The following ARHGAP15 variants were observed in gnomAD, a reference collection of about 807,000 sequenced individuals.
ARHGAP15 encodes the protein Rho GTPase activating protein 15.
Under a neutral mutation model 63.7 loss-of-function variants are expected in ARHGAP15, and 51 were observed. The observed-to-expected ratio is 0.80, with a 90% CI of 0.64 to 1.01. The LOEUF (loss-of-function observed/expected upper bound fraction) is 1.01. Ranked by LOEUF, ARHGAP15 falls within the 50% of genes least tolerant of loss-of-function variation. The pLI is 0.00. For missense variants in ARHGAP15, 560 were observed against 564.6 expected (o/e 0.99, Z 0.08); for synonymous variants, 191 against 193.8 (o/e 0.99, Z 0.12).
intron 3 of ARHGAP15, among the ~76,000 whole-genome samples, chr2:143,206,971 T>G (rs1869011): frequency 0.17 from 25,752 of 151,540 alleles, 2,369 homozygotes; most frequent in Middle Eastern, 0.24. Context: ...GCACATATAT[T>G]TTAACAGTGC....
chr2:143,725,365 A>G (rs547178241), intron 13 of ARHGAP15, among the ~76,000 whole-genome samples: 1 of 152,352 alleles, frequency 6.6e-6, no homozygotes, highest in African/African-American at 2.4e-5. Flanking sequence ...GAATTTGCCA[A>G]GACAAATTTG....
intron 11 of ARHGAP15, among the ~76,000 whole-genome samples, chr2:143,601,210 T>C (rs1324735685): frequency 6.6e-6 from 1 of 152,178 alleles, no homozygotes; most frequent in East Asian, 1.9e-4. Context: ...TACTTTTTTT[T>C]ACAATGTGGT....
At chr2:143,250,224 C>A (rs1365939439) in intron 5 of ARHGAP15, among the ~76,000 whole-genome samples, 1 of 151,872 alleles carries the variant, frequency 6.6e-6, no homozygotes, top group African/African-American at 2.4e-5. Context: ...TTTCATTATT[C>A]TTAAATTACT....
chr2:143,373,553 T>A (rs1574351314), intron 6 of ARHGAP15, among the ~76,000 whole-genome samples: 1 of 133,048 alleles, frequency 7.5e-6, no homozygotes, highest in South Asian at 2.4e-4. Context: ...TGGCATGAGC[T>A]GGGGAGGCGG....
chr2:143,612,307 G>A (rs772158522), intron 11 of ARHGAP15, among the ~76,000 whole-genome samples: 9 of 152,126 alleles, frequency 5.9e-5, no homozygotes, highest in Non-Finnish European at 1.3e-4. Flanking sequence ...ATCACCTGGA[G>A]GACTTGTTAA....
chr2:143,228,559 C>G (rs1693311179), intron 4 of ARHGAP15, 22 bp from the exon 5 acceptor site: 1 of 1,521,456 alleles, frequency 6.6e-7, no homozygotes, highest in Non-Finnish European at 9.1e-7. Flanking sequence ...GCTTTCTTTC[C>G]CTTTTATTTT....
chr2:143,527,449 C>T lies in ARHGAP15; in HGVS notation c.925+8085C>T, dbSNP rs190399421. ...TTATCTCTCTTTGCCTGATTTTATA[C>T]GTTTCAAGTCGCTTCCTATTTTTGG... is the stretch of plus-strand genomic sequence containing the variant. On this transcript the variant is annotated intron_variant, in intron 10 of 13. Transcript: ENST00000295095. Among the ~76,000 whole-genome samples, 54 of 150,668 alleles carry T rather than the reference C, an allele frequency of 3.6e-4. 1 individual carries two copies. In the South Asian group the frequency reaches 9.2e-3, roughly 26 times the overall value.
intron 1 of ARHGAP15, among the ~76,000 whole-genome samples, chr2:143,145,953 A>G (rs1258313285): frequency 6.6e-6 from 1 of 151,524 alleles, no homozygotes; most frequent in Non-Finnish European, 1.5e-5. Flanking sequence ...AAACACAAAC[A>G]TTATTTCCAG....
chr2:143,201,844 C>G (rs1692131543), intron 2 of ARHGAP15, among the ~76,000 whole-genome samples: 1 of 152,154 alleles, frequency 6.6e-6, no homozygotes, highest in East Asian at 1.9e-4. Flanking sequence ...TTGAAGCAGG[C>G]ATAAGGTCTG....
intron 12 of ARHGAP15, among the ~76,000 whole-genome samples, chr2:143,652,373 A>G (rs1178192218): frequency 2.6e-5 from 4 of 152,074 alleles, no homozygotes; most frequent in African/African-American, 9.7e-5. Context: ...ACAAGCTGGA[A>G]GTATACCGCA....
Position 143,768,013 on chromosome 2 carries a change from C to T in ARHGAP15, c.1269C>T (p.Asn423=), listed in dbSNP as rs769554369. 1 of 1,613,564 alleles carries T rather than the reference C, an allele frequency of 6.2e-7. No homozygotes were observed. Among genetic ancestry groups the T allele is most frequent in the Non-Finnish European group, 8.5e-7 (1 of 1,179,690 alleles). Residue 423 remains asparagine (N), a synonymous_variant, in exon 14 of 14, where the codon AAC becomes AAT. Coordinates refer to ENST00000295095, the MANE Select transcript of ARHGAP15 (RefSeq NM_018460.4). ...LTKIVAKASK[N]LMSTQSLGIV... ...GGATAGTGGCCAAAGCCTCCAAGAA[C>T]CTCATGTCCACGCAAAGCTTGGGGA...
Position 143,487,497 on chromosome 2 carries a change from T to C in ARHGAP15, c.826+2T>C. ...TGCAAGAAAAAGGACTTATTAAAGG[T>C]ACAGGTCATTTTATACTTGTACTAT... On this transcript the variant is annotated splice_donor_variant, in intron 9 of 13. Transcript: ENST00000295095. LOFTEE classifies it high-confidence loss of function. The C allele has an allele frequency of 6.2e-7, 1 of 1,611,322 alleles. No individual in the cohort carries two copies.
At chr2:143,288,254 TCC>T (rs1199190879) in intron 6 of ARHGAP15, among the ~76,000 whole-genome samples, 1 of 152,144 alleles carries the variant, frequency 6.6e-6, no homozygotes, top group African/African-American at 2.4e-5. Flanking sequence ...CCTGTGCACA[TCC>T]TACACTTCCG....
intron 12 of ARHGAP15, among the ~76,000 whole-genome samples, chr2:143,691,275 G>A (rs563858072): frequency 9.9e-5 from 15 of 152,208 alleles, no homozygotes; most frequent in South Asian, 4.2e-4. Flanking sequence ...AGGTTGGAGC[G>A]CTCAGTAAGC....
chr2:143,279,142 T>C (rs1681717682), intron 6 of ARHGAP15, among the ~76,000 whole-genome samples: 1 of 152,110 alleles, frequency 6.6e-6, no homozygotes, highest in Non-Finnish European at 1.5e-5. Context: ...AGAGAAGTGG[T>C]ATATGTAAAA....
intron 11 of ARHGAP15, among the ~76,000 whole-genome samples, chr2:143,611,766 C>A (rs1005799784): frequency 1.1e-4 from 16 of 152,178 alleles, no homozygotes; most frequent in African/African-American, 3.9e-4. Context: ...AAAAAACAAA[C>A]TGAACAAATT....
At chr2:143,609,372 A>G (rs529817745) in intron 11 of ARHGAP15, among the ~76,000 whole-genome samples, 7 of 152,306 alleles carry the variant, frequency 4.6e-5, no homozygotes, top group Non-Finnish European at 1.0e-4. Context: ...AGAATGGAGT[A>G]GGCACTCTAA....
chr2:143,147,373 C>T (rs925574750), intron 1 of ARHGAP15, among the ~76,000 whole-genome samples: 2 of 152,014 alleles, frequency 1.3e-5, no homozygotes, highest in Admixed American at 6.6e-5. Context: ...GGCGGAAAAT[C>T]GCTCAGCATT....
chr2:143,746,280 C>T (rs1574921146), intron 13 of ARHGAP15, among the ~76,000 whole-genome samples: 1 of 140,184 alleles, frequency 7.1e-6, no homozygotes, highest in Non-Finnish European at 1.6e-5. Context: ...TTGCACTTAC[C>T]AAATTCCTTT....
Sources: gnomAD v4.1 joint callset for allele counts (sites outside exome capture counted in the v4.1 genomes callset) on GRCh38, gnomAD v4.1.1 for gene constraint, MANE v1.5 for transcripts, NCBI Gene and HGNC (gene_info 2026-07-23, HGNC 2026-07-21) for gene names.